FOXP2: variants seen among roughly 807,000 people sequenced by gnomAD.
FOXP2 encodes forkhead box P2.
Under a neutral mutation model 115.8 loss-of-function variants are expected in FOXP2, and 12 were observed. The observed-to-expected ratio is 0.10, with a 90% CI of 0.07 to 0.17. The LOEUF is 0.17. Ranked by LOEUF, FOXP2 falls within the 10% of genes least tolerant of loss-of-function variation. The probability of loss-of-function intolerance (pLI) is 1.00; values close to 1 mark genes in which losing one functional copy is unlikely to be tolerated. For missense variants in FOXP2, 629 were observed against 843.5 expected, an observed-to-expected ratio of 0.75 and a Z score of 3.15; for synonymous variants, 328 against 297.7, an observed-to-expected ratio of 1.10 and a Z score of -1.05.
intron 2 of FOXP2, among the ~76,000 whole-genome samples, chr7:114,405,369 A>T (rs1338926301): frequency 9.9e-5 from 15 of 151,924 alleles, no homozygotes; most frequent in African/African-American, 3.6e-4. Context: ...TAAGGAATAA[A>T]CTATGAGTAA....
chr7:114,655,201 T>A (rs1806513805), intron 10 of FOXP2, among the ~76,000 whole-genome samples: 1 of 152,138 alleles, frequency 6.6e-6, no homozygotes, highest in Non-Finnish European at 1.5e-5. Context: ...CCTCATTGCT[T>A]CTATAGTATA....
intron 2 of FOXP2, among the ~76,000 whole-genome samples, chr7:114,335,420 A>G (rs1293450550): frequency 2.6e-5 from 4 of 151,910 alleles, no homozygotes; most frequent in African/African-American, 9.7e-5. Context: ...TTATCTAGAT[A>G]TTAACAATTT....
chr7:114,324,100 T>C (rs1797496514), intron 2 of FOXP2, among the ~76,000 whole-genome samples: 1 of 151,940 alleles, frequency 6.6e-6, no homozygotes, highest in African/African-American at 2.4e-5. Context: ...TGTTGGAATT[T>C]TCTGTCACTA....
intron 2 of FOXP2, among the ~76,000 whole-genome samples, chr7:114,358,502 T>C (rs1791668011): frequency 6.6e-6 from 1 of 152,032 alleles, no homozygotes; most frequent in South Asian, 2.1e-4. Context: ...GTGGGAAAGT[T>C]TGGATTTCCT....
intron 1 of FOXP2, among the ~76,000 whole-genome samples, chr7:114,180,706 C>T (rs2129154987): frequency 6.6e-6 from 1 of 151,970 alleles, no homozygotes; most frequent in African/African-American, 2.4e-5. Context: ...TCCTTCACAT[C>T]TCCCTTCTCA....
intron 2 of FOXP2, among the ~76,000 whole-genome samples, chr7:114,453,369 A>T (rs1421951606): frequency 1.3e-5 from 2 of 152,040 alleles, no homozygotes; most frequent in African/African-American, 4.8e-5. Flanking sequence ...TTTGTTTACT[A>T]TCAGTACAAT....
At chr7:114,221,801 T>TA (rs1485774131) in intron 1 of FOXP2, among the ~76,000 whole-genome samples, 1 of 152,210 alleles carries the variant, frequency 6.6e-6, no homozygotes, top group Non-Finnish European at 1.5e-5. Context: ...AATGAGGCTC[T>TA]AAGACTTCTA....
chr7:114,404,202 T>C (rs1243174315), intron 2 of FOXP2, among the ~76,000 whole-genome samples: 2 of 152,094 alleles, frequency 1.3e-5, no homozygotes, highest in Non-Finnish European at 2.9e-5. Context: ...CTTTACAATT[T>C]TGTCAAGGTT....
intron 2 of FOXP2, among the ~76,000 whole-genome samples, chr7:114,428,886 A>G (rs1028708779): frequency 1.3e-5 from 2 of 151,654 alleles, no homozygotes; most frequent in Non-Finnish European, 3.0e-5. Flanking sequence ...GTATAAATTT[A>G]TCTCTACGTG....
At chr7:114,575,411 C>T (rs1029689298) in intron 3 of FOXP2, among the ~76,000 whole-genome samples, 9 of 151,750 alleles carry the variant, frequency 5.9e-5, no homozygotes, top group Non-Finnish European at 1.3e-4. Flanking sequence ...GGTATTAACA[C>T]TAAAAGGGGC....
At chr7:114,258,163 C>A (rs1383146524) in intron 1 of FOXP2, among the ~76,000 whole-genome samples, 6 of 152,080 alleles carry the variant, frequency 3.9e-5, no homozygotes, top group Non-Finnish European at 5.9e-5. Context: ...GGCAATAATA[C>A]ACATTAGCAA....
At chr7:114,140,273 C>T (rs1056946841) in intron 1 of FOXP2, among the ~76,000 whole-genome samples, 16 of 151,944 alleles carry the variant, frequency 1.1e-4, no homozygotes, top group Admixed American at 5.9e-4. Flanking sequence ...TTATTATTTT[C>T]GTGAAAATTA....
chr7:114,425,959 C>T (rs1397274135), intron 1 of FOXP2, among the ~76,000 whole-genome samples: 1 of 151,644 alleles, frequency 6.6e-6, no homozygotes, highest in East Asian at 1.9e-4. Flanking sequence ...AAAAGAAACC[C>T]ATTATACTAT....
chr7:114,543,451 G>A (rs922969888), intron 3 of FOXP2, among the ~76,000 whole-genome samples: 5 of 152,120 alleles, frequency 3.3e-5, no homozygotes, highest in African/African-American at 1.2e-4. Flanking sequence ...TTTGAACCAA[G>A]CTACCATTGC....
At chr7:114,205,196 A>G (rs1528090) in intron 1 of FOXP2, among the ~76,000 whole-genome samples, 89,966 of 151,976 alleles carry the variant, frequency 0.59, 28,638 homozygotes, top group Admixed American at 0.76. Flanking sequence ...AGCATTAAGT[A>G]ATATATGACC....
intron 1 of FOXP2, among the ~76,000 whole-genome samples, chr7:114,127,354 G>T (rs760787790): frequency 5.3e-5 from 8 of 152,112 alleles, no homozygotes; most frequent in Non-Finnish European, 1.0e-4. Flanking sequence ...CATGGTCAAG[G>T]GGAAAAGATT....
At chr7:114,372,883 C>T (rs1163232690) in intron 2 of FOXP2, among the ~76,000 whole-genome samples, 2 of 152,196 alleles carry the variant, frequency 1.3e-5, no homozygotes, top group South Asian at 4.1e-4. Context: ...ACCTTGTTTT[C>T]GTACTCTTTC....
intron 2 of FOXP2, among the ~76,000 whole-genome samples, chr7:114,470,604 A>G (rs1210564260): frequency 6.6e-6 from 1 of 152,074 alleles, no homozygotes; most frequent in Admixed American, 6.6e-5. Flanking sequence ...TACTGGATGG[A>G]TGAGTGAATG....
At chr7:114,235,789 T>G (rs1794992966) in intron 1 of FOXP2, among the ~76,000 whole-genome samples, 1 of 152,210 alleles carries the variant, frequency 6.6e-6, no homozygotes, top group South Asian at 2.1e-4. Flanking sequence ...ATTATCAGGA[T>G]GATCAGTGGT....
Sources: gnomAD v4.1 joint callset for allele counts (sites outside exome capture counted in the v4.1 genomes callset) on GRCh38, gnomAD v4.1.1 for gene constraint, MANE v1.5 for transcripts, NCBI Gene and HGNC (gene_info 2026-07-23, HGNC 2026-07-21) for gene names.